Variants in GPD2 observed in about 807,000 individuals in gnomAD.
The protein encoded by GPD2 is glycerol-3-phosphate dehydrogenase, mitochondrial.
GPD2 carries 54 observed loss-of-function variants against 82.4 expected under a neutral mutation model. The observed-to-expected ratio is 0.66, with a 90% CI of 0.53 to 0.82. The LOEUF (loss-of-function observed/expected upper bound fraction) is 0.82. Among genes scored for constraint, GPD2 ranks in the 40% least tolerant of loss-of-function variants. The pLI is 0.00. For synonymous variants in GPD2, 288 were observed against 306.1 expected (o/e 0.94, Z 0.62); for missense variants, 748 against 896.2 (o/e 0.83, Z 2.11).
chr2:156,525,713 T>G (rs1373567904), intron 6 of GPD2, among the ~76,000 whole-genome samples: 2 of 152,206 alleles, frequency 1.3e-5, no homozygotes, highest in Non-Finnish European at 2.9e-5. Context: ...CTTAACATAT[T>G]TATTTCCTAT....
At chr2:156,430,690 T>C (rs1461446237), upstream of GPD2, among the ~76,000 whole-genome samples, 1 of 152,264 alleles carries the variant, frequency 6.6e-6, no homozygotes, top group Non-Finnish European at 1.5e-5. Context: ...TCAGTTCTAG[T>C]ATTCCATACA....
At chr2:156,430,413 A>G (rs149869318), upstream of GPD2, among the ~76,000 whole-genome samples, 92 of 152,346 alleles carry the variant, frequency 6.0e-4, no homozygotes, top group African/African-American at 2.2e-3. Flanking sequence ...CCTTGTTAAG[A>G]CTAGTGCCTG....
intron 2 of GPD2, among the ~76,000 whole-genome samples, chr2:156,484,036 G>A (rs1159448546): frequency 3.2e-5 from 4 of 124,564 alleles, no homozygotes; most frequent in Non-Finnish European, 6.5e-5. Flanking sequence ...AACTTTGTAA[G>A]TCAATTCAGG....
the GPD2 span, among the ~76,000 whole-genome samples, chr2:156,422,785 A>G: frequency 6.6e-6 from 1 of 152,070 alleles, no homozygotes; most frequent in Non-Finnish European, 1.5e-5. Context: ...AAAAACAAAG[A>G]TATAGATTCA....
At chr2:156,545,548 G>A (rs1573985215) in intron 6 of GPD2, among the ~76,000 whole-genome samples, 1 of 152,138 alleles carries the variant, frequency 6.6e-6, no homozygotes, top group Non-Finnish European at 1.5e-5. Context: ...TATTCTAATT[G>A]AGAAGTACTT....
At chr2:156,457,903 A>C (rs759836164) in intron 1 of GPD2, among the ~76,000 whole-genome samples, 1 of 152,218 alleles carries the variant, frequency 6.6e-6, no homozygotes, top group Non-Finnish European at 1.5e-5. Context: ...TCGAATTCTC[A>C]GTATAACTTG....
intron 9 of GPD2, among the ~76,000 whole-genome samples, chr2:156,559,374 A>G (rs529309447): frequency 2.7e-4 from 41 of 152,284 alleles, no homozygotes; most frequent in Middle Eastern, 3.4e-3. Context: ...CCATTTGAAA[A>G]TCTATATTAA....
intron 1 of GPD2, among the ~76,000 whole-genome samples, chr2:156,457,362 A>G (rs1682822877): frequency 6.6e-6 from 1 of 152,346 alleles, no homozygotes; most frequent in Middle Eastern, 3.4e-3. Context: ...TACTAGAGAT[A>G]GAGGTATAAA....
At chr2:156,497,790 ACT>A (rs1684439099) in intron 3 of GPD2, among the ~76,000 whole-genome samples, 2 of 152,140 alleles carry the variant, frequency 1.3e-5, no homozygotes, top group Admixed American at 6.6e-5. Flanking sequence ...CAGGAAGTCT[ACT>A]CTGTTACAAA....
chr2:156,550,586 C>G lies in GPD2; in HGVS notation c.827-16C>G. On this transcript the variant is annotated splice_polypyrimidine_tract_variant and intron_variant, in intron 7 of 16. Coordinates refer to ENST00000438166, the MANE Select transcript of GPD2 (RefSeq NM_000408.5). ...AAACAAATGAGGTGTGTGATTGATG[C>G]CACTTTCTTTCACAGGGCAGGAATT... 6.2e-7 allele frequency: 1 copy of G among 1,613,070 alleles called. No individual in the cohort carries two copies. Among genetic ancestry groups the G allele is most frequent in the Non-Finnish European group, 8.5e-7 (1 of 1,179,044 alleles).
chr2:156,413,200 G>C, the GPD2 span, among the ~76,000 whole-genome samples: 1 of 152,110 alleles, frequency 6.6e-6, no homozygotes, highest in Non-Finnish European at 1.5e-5. Context: ...TTTTCTCTGA[G>C]CTCGTAAAAA....
chr2:156,423,922 G>A, the GPD2 span, among the ~76,000 whole-genome samples: 1 of 152,200 alleles, frequency 6.6e-6, no homozygotes, highest in Non-Finnish European at 1.5e-5. Context: ...CCCCAGTGGA[G>A]TAAAAGCAGT....
At chr2:156,466,734 C>T (rs1271143254) in intron 1 of GPD2, among the ~76,000 whole-genome samples, 1 of 152,172 alleles carries the variant, frequency 6.6e-6, no homozygotes, top group Non-Finnish European at 1.5e-5. Context: ...CATCAGAAAT[C>T]CCATGTAATA....
intron 6 of GPD2, among the ~76,000 whole-genome samples, chr2:156,542,389 C>T (rs868093470): frequency 6.6e-6 from 1 of 152,076 alleles, no homozygotes; most frequent in South Asian, 2.1e-4. Context: ...AACAGGTGTC[C>T]CTGCTTCAGA....
At chr2:156,448,844 C>T (rs977026258) in intron 1 of GPD2, among the ~76,000 whole-genome samples, 4 of 152,202 alleles carry the variant, frequency 2.6e-5, no homozygotes, top group African/African-American at 9.7e-5. Context: ...GAAATTTATT[C>T]TTTCATCATT....
intron 3 of GPD2, among the ~76,000 whole-genome samples, chr2:156,498,045 T>C (rs1684447219): frequency 6.6e-6 from 1 of 152,180 alleles, no homozygotes; most frequent in African/African-American, 2.4e-5. Flanking sequence ...TAGAATTTAC[T>C]AGGTGATAAT....
chr2:156,549,975 T>C (rs1686696852), intron 7 of GPD2, among the ~76,000 whole-genome samples: 1 of 152,190 alleles, frequency 6.6e-6, no homozygotes, highest in African/African-American at 2.4e-5. Flanking sequence ...CTTTGTATTA[T>C]AGTTGTAATA....
chr2:156,493,191 G>A (rs1684245411), intron 2 of GPD2, among the ~76,000 whole-genome samples: 1 of 152,154 alleles, frequency 6.6e-6, no homozygotes, highest in Non-Finnish European at 1.5e-5. Flanking sequence ...GGTTCAAAGA[G>A]GCTGGAGAGA....
At chr2:156,456,652 C>T (rs1682800270) in intron 1 of GPD2, among the ~76,000 whole-genome samples, 1 of 151,744 alleles carries the variant, frequency 6.6e-6, no homozygotes, top group South Asian at 2.1e-4. Context: ...TTCTGTATTC[C>T]AAAGAATTAA....
Sources: gnomAD v4.1 joint callset for allele counts (sites outside exome capture counted in the v4.1 genomes callset) on GRCh38, gnomAD v4.1.1 for gene constraint, MANE v1.5 for transcripts, NCBI Gene and HGNC (gene_info 2026-07-23, HGNC 2026-07-21) for gene names.